The following FOXN3 variants were observed in gnomAD, a reference collection of about 807,000 sequenced individuals.
The protein encoded by FOXN3 is forkhead box N3, also known as forkhead box protein N3.
A neutral mutation model predicts 38.4 loss-of-function variants in FOXN3; 7 were observed. The observed-to-expected ratio is 0.18, with a 90% CI of 0.10 to 0.34. FOXN3 has a LOEUF of 0.34. Among genes scored for constraint, FOXN3 ranks in the 10% least tolerant of loss-of-function variants. The pLI, the probability that FOXN3 is intolerant of heterozygous loss-of-function variation, is 1.00. For missense variants in FOXN3, 456 were observed against 613.4 expected, an observed-to-expected ratio of 0.74 and a Z score of 2.71; for synonymous variants, 230 against 242.2, an observed-to-expected ratio of 0.95 and a Z score of 0.47.
At chr14:89,236,597 T>C (rs191802341) in intron 4 of FOXN3, among the ~76,000 whole-genome samples, 4 of 152,316 alleles carry the variant, frequency 2.6e-5, no homozygotes, top group African/African-American at 9.6e-5. Flanking sequence ...GCCAGCATCT[T>C]GGCAAGGGGC....
intron 1 of FOXN3, among the ~76,000 whole-genome samples, chr14:89,545,314 C>T (rs1566694044): frequency 6.6e-6 from 1 of 152,180 alleles, no homozygotes; most frequent in Non-Finnish European, 1.5e-5. Context: ...TCTCATTCGT[C>T]GATACGGGGG....
chr14:89,226,703 G>A (rs761702172), intron 4 of FOXN3, among the ~76,000 whole-genome samples: 2 of 152,204 alleles, frequency 1.3e-5, no homozygotes, highest in South Asian at 2.1e-4. Context: ...TTGGAATCAG[G>A]TTGTTGCTGA....
chr14:89,473,183 C>T (rs1893142199), intron 1 of FOXN3, among the ~76,000 whole-genome samples: 1 of 151,780 alleles, frequency 6.6e-6, no homozygotes, highest in African/African-American at 2.4e-5. Flanking sequence ...TCCCACCACG[C>T]CTGGCTAATT....
At chr14:89,300,585 G>T (rs1698491536) in intron 3 of FOXN3, among the ~76,000 whole-genome samples, 1 of 152,196 alleles carries the variant, frequency 6.6e-6, no homozygotes, top group African/African-American at 2.4e-5. Flanking sequence ...TATTTGTGGA[G>T]AAATTGTGAT....
intron 4 of FOXN3, among the ~76,000 whole-genome samples, chr14:89,236,857 C>A (rs1342512760): frequency 6.6e-6 from 1 of 152,220 alleles, no homozygotes; most frequent in East Asian, 1.9e-4. Flanking sequence ...AGCATTGCAT[C>A]CTGATGCCAG....
chr14:89,536,556 C>T (rs953212241), intron 1 of FOXN3, among the ~76,000 whole-genome samples: 29 of 152,030 alleles, frequency 1.9e-4, no homozygotes, highest in African/African-American at 6.5e-4. Flanking sequence ...CCGAGGCGGG[C>T]GGATCACGAG....
chr14:89,288,710 CTCTCTCTCTCTCTCTATATA>C (rs1886741337), intron 3 of FOXN3, among the ~76,000 whole-genome samples: 13 of 75,880 alleles, frequency 1.7e-4, no homozygotes, highest in Non-Finnish European at 2.3e-4. Flanking sequence ...CTCTCTCTCT[CTCTCTCTCTCTCTCTATATA>C]TATATATATA....
At position 89,411,880 on chromosome 14, in the gene FOXN3, T is replaced by C. The variant is rs1891554358; in HGVS notation, c.543+54A>G. 3 of 1,207,694 alleles carry C rather than the reference T, an allele frequency of 2.5e-6. No individual in the cohort carries two copies. In the South Asian group the frequency reaches 8.1e-5, roughly 33 times the overall value. The allele number at this position is 1,207,694 out of a possible 1,614,324, so 74.8% of individuals were successfully genotyped here. A position where few individuals can be genotyped will look rare whatever the true frequency, so the allele number is the denominator to read the frequency against. Reference sequence around the variant, plus strand: ...GAAATTCATTTTTAATAGAGAAAAATTTTAAATTAAAAAAAAAAAAAGAAA... The same window carrying C: ...GAAATTCATTTTTAATAGAGAAAAACTTTAAATTAAAAAAAAAAAAAGAAA... On this transcript the variant is annotated intron_variant, in intron 2 of 5. Coordinates refer to ENST00000557258, the MANE Select transcript of FOXN3 (RefSeq NM_005197.4).
chr14:89,292,652 T>C (rs902995345), intron 3 of FOXN3, among the ~76,000 whole-genome samples: 1 of 152,144 alleles, frequency 6.6e-6, no homozygotes, highest in Non-Finnish European at 1.5e-5. Flanking sequence ...GGGTACAGCG[T>C]TCAAGGCCCC....
Position 89,334,004 on chromosome 14 carries a change from ATATATG to A in FOXN3, c.680+16662_680+16667del, listed in dbSNP as rs1888357454. ...TATATATATATATATATATATATAT[ATATATG>A]TATATAAATGTGGTATACACACACA... is the stretch of plus-strand genomic sequence containing the variant. On this transcript the variant is annotated intron_variant, in intron 3 of 5. Transcript: ENST00000557258. Among the ~76,000 whole-genome samples, 5 of 45,836 alleles carry A rather than the reference ATATATG, an allele frequency of 1.1e-4. 1 individual carries two copies. Among genetic ancestry groups the A allele is most frequent in the South Asian group, 1.0e-3 (1 of 1,000 alleles). 30.1% of individuals were successfully genotyped at this position (45,836 alleles called of 152,430 possible). A position where few individuals can be genotyped will look rare whatever the true frequency, so the allele number is the denominator to read the frequency against.
intron 4 of FOXN3, among the ~76,000 whole-genome samples, chr14:89,246,113 C>A (rs554941180): frequency 1.3e-5 from 2 of 152,150 alleles, no homozygotes; most frequent in South Asian, 2.1e-4. Flanking sequence ...CGAAAAAAAA[C>A]CGCTGAATTG....
chr14:89,533,604 G>A (rs1008167411), intron 1 of FOXN3, among the ~76,000 whole-genome samples: 7 of 138,068 alleles, frequency 5.1e-5, no homozygotes, highest in Non-Finnish European at 1.1e-4. Context: ...GGAGCTTGCA[G>A]TGAGCGGAGA....
intron 1 of FOXN3, among the ~76,000 whole-genome samples, chr14:89,568,523 T>C (rs531351441): frequency 2.0e-4 from 30 of 152,324 alleles, no homozygotes; most frequent in Middle Eastern, 6.8e-3. Flanking sequence ...CTTTCCACCA[T>C]GTGCACAGTG....
At chr14:89,205,874 A>G (rs547894543) in intron 4 of FOXN3, among the ~76,000 whole-genome samples, 1 of 152,324 alleles carries the variant, frequency 6.6e-6, no homozygotes, top group East Asian at 1.9e-4. Context: ...GGTTTGAGCA[A>G]TGGGGCACTG....
At chr14:89,450,216 C>T (rs78493029) in intron 1 of FOXN3, among the ~76,000 whole-genome samples, 7,738 of 152,290 alleles carry the variant, frequency 0.051, 248 homozygotes, top group Middle Eastern at 0.075. Context: ...CATGAGCCTT[C>T]CCCAATGTTG....
At chr14:89,427,301 C>T (rs1316304575) in intron 1 of FOXN3, among the ~76,000 whole-genome samples, 11 of 67,734 alleles carry the variant, frequency 1.6e-4, no homozygotes, top group South Asian at 7.2e-4. Context: ...GAAAAGGGGA[C>T]TTTTTTTTTT....
chr14:89,201,717 T>C (rs554293035), intron 4 of FOXN3, among the ~76,000 whole-genome samples: 2 of 152,162 alleles, frequency 1.3e-5, no homozygotes, highest in Non-Finnish European at 2.9e-5. Flanking sequence ...CCCCTCTCTA[T>C]GCTATAAGGT....
intron 2 of FOXN3, among the ~76,000 whole-genome samples, chr14:89,410,732 G>A (rs1312284092): frequency 6.6e-6 from 1 of 151,976 alleles, no homozygotes; most frequent in Non-Finnish European, 1.5e-5. Flanking sequence ...AATTAGCAGG[G>A]TGTAGTGGCA....
At chr14:89,392,350 C>T (rs143255560) in intron 2 of FOXN3, among the ~76,000 whole-genome samples, 186 of 152,318 alleles carry the variant, frequency 1.2e-3, no homozygotes, top group African/African-American at 4.4e-3. Context: ...TAACTCACTG[C>T]TACTTCTTTC....
Sources: allele counts gnomAD v4.1 joint callset (sites outside exome capture counted in the v4.1 genomes callset), GRCh38; gene constraint gnomAD v4.1.1; transcripts MANE v1.5; gene names NCBI Gene and HGNC (gene_info 2026-07-23, HGNC 2026-07-21).